KLHL10: variants seen among roughly 807,000 people sequenced by gnomAD.
KLHL10 encodes kelch like family member 10, also known as kelch-like protein 10.
A neutral mutation model predicts 46.6 loss-of-function variants in KLHL10; 11 were observed. That is an observed-to-expected ratio of 0.24 (90% CI 0.15 to 0.39). KLHL10 has a LOEUF of 0.39. Among genes scored for constraint, KLHL10 ranks in the 10% least tolerant of loss-of-function variants. The pLI is 1.00. For missense variants in KLHL10, 475 were observed against 789.8 expected, an observed-to-expected ratio of 0.60 and a Z score of 4.78; for synonymous variants, 254 against 279.1, an observed-to-expected ratio of 0.91 and a Z score of 0.90.
upstream of KLHL10, chr17:41,836,351 G>T: frequency 1.6e-6 from 2 of 1,223,194 alleles, no homozygotes; most frequent in Non-Finnish European, 2.0e-6. Flanking sequence ...AGATGGCCGC[G>T]ATCCGGGTGG....
chr17:41,847,271 G>A lies in KLHL10; in HGVS notation c.1313G>A (p.Cys438Tyr). 6.2e-7 allele frequency: 1 copy of A among 1,614,056 alleles called. No individual in the cohort carries two copies. The highest frequency in any genetic ancestry group is 8.5e-7 in the Non-Finnish European group (1 of 1,179,968). Reference sequence around the variant, plus strand: ...GAACTCTTCACACAGGTCTACATATGTGGTGGGTTTAATGGAAACGAGTGC... The same window carrying A: ...GAACTCTTCACACAGGTCTACATATATGGTGGGTTTAATGGAAACGAGTGC... ...ATTLYGKVYI[C>Y]GGFNGNECLF... The change falls in exon 4 of 5, where the codon TGT becomes TAT. Residue 438 changes from cysteine (C) to tyrosine (Y), a missense_variant. Cys to Tyr is a radical substitution (Grantham distance 194). Coordinates refer to ENST00000293303, the MANE Select transcript of KLHL10 (RefSeq NM_152467.5).
At chr17:41,836,311 G>C (rs2048159171), upstream of KLHL10, 1 of 1,229,988 alleles carries the variant, frequency 8.1e-7, no homozygotes, top group South Asian at 4.1e-5. Flanking sequence ...GGGCGGGGCG[G>C]GGGTGGGGCC....
upstream of KLHL10, chr17:41,837,667 GA>G: frequency 1.7e-6 from 2 of 1,167,322 alleles, no homozygotes; most frequent in East Asian, 3.3e-5. Context: ...CAAGGACACA[GA>G]AGGAGGTGTG....
intron 3 of KLHL10, 77 bp downstream of exon 3, chr17:41,845,820 G>A: frequency 1.9e-6 from 3 of 1,580,414 alleles, no homozygotes; most frequent in South Asian, 1.1e-5. Context: ...TTTTTGGGGT[G>A]GATGGAAGAC....
upstream of KLHL10, chr17:41,836,196 C>A (rs1468756693): frequency 2.4e-6 from 3 of 1,249,562 alleles, no homozygotes; most frequent in African/African-American, 3.1e-5. Context: ...TCTGCCATCC[C>A]GTTCGAGGCC....
Position 41,845,427 on chromosome 17 carries a change from G to C in KLHL10, c.986G>C (p.Arg329Pro), listed in dbSNP as rs2048274411. ...VNVTCEEESP[R>P]AYHGAAYLKG... ...GTTACTTGTGAGGAAGAGAGTCCCC[G>C]TGCCTACCATGGGGCAGCCTATTTG... is the stretch of plus-strand genomic sequence containing the variant. Residue 329 changes from arginine to proline, a missense_variant, in exon 3 of 5, where the codon CGT becomes CCT. Coordinates refer to ENST00000293303, the MANE Select transcript of KLHL10 (RefSeq NM_152467.5). The C allele has an allele frequency of 3.1e-6, 5 of 1,614,152 alleles. No individual in the cohort carries two copies. Among genetic ancestry groups the C allele is most frequent in the Non-Finnish European group, 4.2e-6 (5 of 1,180,018 alleles).
rs202110308 is a variant in KLHL10 at position 41,842,111 on chromosome 17, C to T, written c.483C>T (p.Tyr161=). 87 of 1,614,054 alleles carry T rather than the reference C, an allele frequency of 5.4e-5. No homozygotes were observed. The highest frequency in any genetic ancestry group is 7.1e-5 in the Non-Finnish European group (84 of 1,180,050). The change falls in exon 2 of 5, where the codon TAC becomes TAT. Residue 161 remains tyrosine (Y), a synonymous_variant. Transcript: ENST00000293303. ...YYCPELRQKA[Y]MFILHNFEEM... ...GTCCTGAGCTGAGGCAGAAGGCCTA[C>T]ATGTTCATACTGCACAACTTTGAGG...
At chr17:41,836,147 G>GCCCCC, upstream of KLHL10, 2 of 1,312,246 alleles carry the variant, frequency 1.5e-6, no homozygotes, top group Non-Finnish European at 1.9e-6. Flanking sequence ...CGGAGTCCGG[G>GCCCCC]CCCGCCCCAC....
In KLHL10 at chr17:41,841,930, C is replaced by T. The variant is rs2048231033; in HGVS notation, c.302C>T (p.Thr101Ile). The T allele has an allele frequency of 6.2e-7, 1 of 1,614,184 alleles. No homozygotes were observed. Among genetic ancestry groups the T allele is most frequent in the Non-Finnish European group, 8.5e-7 (1 of 1,180,052 alleles). The change falls in exon 2 of 5, where the codon ACC (threonine) becomes ATC (isoleucine). Residue 101 changes from threonine (T) to isoleucine (I), a missense_variant. Thr to Ile is a moderately conservative substitution (Grantham distance 89, BLOSUM62 -1). Coordinates refer to ENST00000293303, the MANE Select transcript of KLHL10 (RefSeq NM_152467.5). Reference sequence around the variant, plus strand: ...ATCATTGAGTATGCATACACCCGGACCGTGCCTATCACACCGGACAATGTG... The same window carrying T: ...ATCATTGAGTATGCATACACCCGGATCGTGCCTATCACACCGGACAATGTG... ...KLIIEYAYTR[T>I]VPITPDNVEK...
chr17:41,844,192 TGGG>T (rs1567869195), intron 2 of KLHL10, among the ~76,000 whole-genome samples: 4 of 151,830 alleles, frequency 2.6e-5, no homozygotes, highest in Admixed American at 6.6e-5. Context: ...CCAGAGTAGC[TGGG>T]ACTACAGGCA....
intron 3 of KLHL10, 71 bp from the exon 4 acceptor site, chr17:41,847,190 C>A: frequency 7.2e-7 from 1 of 1,392,778 alleles, no homozygotes; most frequent in Non-Finnish European, 1.0e-6. Flanking sequence ...TGCCCACTAC[C>A]ACCACACACA....
At chr17:41,844,707 C>G (rs534174108) in intron 2 of KLHL10, among the ~76,000 whole-genome samples, 3 of 152,198 alleles carry the variant, frequency 2.0e-5, no homozygotes, top group South Asian at 2.1e-4. Flanking sequence ...TGCCACCACA[C>G]TCAGCTAATT....
chr17:41,840,232 A>G (rs1171328983), intron 1 of KLHL10, among the ~76,000 whole-genome samples: 1 of 152,260 alleles, frequency 6.6e-6, no homozygotes, highest in African/African-American at 2.4e-5. Flanking sequence ...GCCTTAGACA[A>G]TACTAAATGA....
upstream of KLHL10, chr17:41,835,962 C>T (rs2048147528): frequency 1.0e-5 from 16 of 1,572,514 alleles, no homozygotes; most frequent in Non-Finnish European, 1.2e-5. Context: ...GCTCACCTGT[C>T]CCGAGACCCG....
chr17:41,840,723 G>C (rs947972516), intron 1 of KLHL10, among the ~76,000 whole-genome samples: 1 of 151,612 alleles, frequency 6.6e-6, no homozygotes, highest in Non-Finnish European at 1.5e-5. Context: ...ATGAAAACAA[G>C]AGGTGGGCCA....
In KLHL10 at chr17:41,842,205, G is replaced by C; in HGVS notation, c.577G>C (p.Asp193His). 1 of 1,614,126 alleles carries C rather than the reference G, an allele frequency of 6.2e-7. No homozygotes were observed. Among genetic ancestry groups the C allele is most frequent in the Non-Finnish European group, 8.5e-7 (1 of 1,180,036 alleles). The part of the protein sequence containing the change: ...VTELKDIIEK[D>H]ELNVKQEDAV... ...TGAACTTAAGGATATCATTGAGAAAGATGAGCTCAATGTCAAACAGGAAGA... is the reference window on the plus strand; with the variant it reads ...TGAACTTAAGGATATCATTGAGAAACATGAGCTCAATGTCAAACAGGAAGA... The change falls in exon 2 of 5, where the codon GAT becomes CAT. Residue 193 changes from aspartate to histidine, a missense_variant. Asp to His is a moderately conservative substitution (Grantham distance 81). Transcript: ENST00000293303.
At chr17:41,840,120 C>T (rs371398795) in intron 1 of KLHL10, among the ~76,000 whole-genome samples, 1 of 152,194 alleles carries the variant, frequency 6.6e-6, no homozygotes, top group Non-Finnish European at 1.5e-5. Context: ...CGTGAGCCAA[C>T]GCGCTCAGCT....
chr17:41,847,076 C>A (rs1173332016), intron 3 of KLHL10, among the ~76,000 whole-genome samples, 185 bp from the exon 4 acceptor site: 2 of 152,040 alleles, frequency 1.3e-5, no homozygotes, highest in Non-Finnish European at 2.9e-5. Context: ...CAAATGGACT[C>A]CAGCCTGGGT....
At chr17:41,840,368 G>A (rs183554974) in intron 1 of KLHL10, among the ~76,000 whole-genome samples, 114 of 152,248 alleles carry the variant, frequency 7.5e-4, no homozygotes, top group Non-Finnish European at 1.5e-3. Flanking sequence ...AGTGGCTCAC[G>A]CCTGGAATCC....
Sources: gnomAD v4.1 joint callset for allele counts (sites outside exome capture counted in the v4.1 genomes callset) on GRCh38, gnomAD v4.1.1 for gene constraint, MANE v1.5 for transcripts, NCBI Gene and HGNC (gene_info 2026-07-23, HGNC 2026-07-21) for gene names.